USP54: variants seen among roughly 807,000 people sequenced by gnomAD.
USP54 encodes the protein ubiquitin specific peptidase 54, also known as ubiquitin carboxyl-terminal hydrolase 54.
In USP54, 87 loss-of-function variants were observed where a neutral mutation model predicts 170.5. That is an observed-to-expected ratio of 0.51 (90% CI 0.43 to 0.61). The LOEUF (loss-of-function observed/expected upper bound fraction) is 0.61, where lower values mean the gene tolerates loss of function less well. Among genes scored for constraint, USP54 ranks in the 20% least tolerant of loss-of-function variants. The probability of loss-of-function intolerance (pLI) is 0.00; values close to 1 mark genes in which losing one functional copy is unlikely to be tolerated. For missense variants in USP54, 1,786 were observed against 2,047.8 expected, an observed-to-expected ratio of 0.87 and a Z score of 2.47; for synonymous variants, 655 against 742.8, an observed-to-expected ratio of 0.88 and a Z score of 1.92.
upstream of USP54, among the ~76,000 whole-genome samples, chr10:73,594,532 G>A (rs1025577763): frequency 2.0e-5 from 3 of 151,848 alleles, no homozygotes; most frequent in Non-Finnish European, 4.4e-5. Flanking sequence ...AGCCTCCCGA[G>A]TAGCTGGGAC....
chr10:73,567,894 TA>T (rs1319010482), intron 4 of USP54, among the ~76,000 whole-genome samples: 10 of 152,192 alleles, frequency 6.6e-5, no homozygotes, highest in Non-Finnish European at 1.5e-4. Flanking sequence ...TGAATTGTAT[TA>T]TTTTCAATAA....
At chr10:73,531,015 G>A (rs1275271333) in intron 12 of USP54, among the ~76,000 whole-genome samples, 180 bp from the exon 13 acceptor site, 3 of 152,020 alleles carry the variant, frequency 2.0e-5, no homozygotes. Context: ...ATGCAGAGAA[G>A]GGCCAGGTGC....
intron 3 of USP54, among the ~76,000 whole-genome samples, chr10:73,572,681 C>A (rs1378583190): frequency 6.6e-6 from 1 of 152,120 alleles, no homozygotes; most frequent in African/African-American, 2.4e-5. Flanking sequence ...CTCATAACAA[C>A]AATTATTTTC....
In USP54 at chr10:73,505,464, C is replaced by T. The variant is rs371796472; in HGVS notation, c.4052-38G>A. 22 of 1,578,004 alleles carry T rather than the reference C, an allele frequency of 1.4e-5. No individual in the cohort carries two copies. In the African/African-American group the frequency reaches 3.0e-4, roughly 21 times the overall value. On this transcript the variant is annotated intron_variant, in intron 20 of 23. Coordinates refer to ENST00000687698, the MANE Select transcript of USP54 (RefSeq NM_001391956.1). ...ACACAAATACAAGTTGAGGCCATCT[C>T]TTCCCCTAGGGCCTAACCTCTAAGC...
At chr10:73,584,680 T>C (rs538800297) in intron 1 of USP54, among the ~76,000 whole-genome samples, 1 of 152,288 alleles carries the variant, frequency 6.6e-6, no homozygotes, top group Non-Finnish European at 1.5e-5. Flanking sequence ...AATTTATAAA[T>C]AATCTATAAA....
chr10:73,549,004 A>G (rs1037145645), intron 4 of USP54, among the ~76,000 whole-genome samples: 6 of 152,120 alleles, frequency 3.9e-5, no homozygotes, highest in East Asian at 1.9e-4. Context: ...GGCCCCACCA[A>G]CCTTGAGTGG....
At chr10:73,555,108 A>G (rs763686110) in intron 4 of USP54, among the ~76,000 whole-genome samples, 6 of 152,228 alleles carry the variant, frequency 3.9e-5, no homozygotes, top group Admixed American at 6.5e-5. Flanking sequence ...GTCTCAATAA[A>G]TAACTAAATA....
At chr10:73,554,701 C>T (rs1184061814) in intron 4 of USP54, among the ~76,000 whole-genome samples, 6 of 152,362 alleles carry the variant, frequency 3.9e-5, no homozygotes, top group African/African-American at 9.6e-5. Flanking sequence ...TGTGGCCAAT[C>T]TTATTTCATC....
In USP54 at chr10:73,568,006, T is replaced by G. The variant is rs1445954688; in HGVS notation, c.240+3415A>C. ...ATAGCTCACTTCAGTGTTGAACTCC[T>G]GGGCTCAAGTGATCCTCCCACTTCA... On this transcript the variant is annotated intron_variant, in intron 4 of 23. Coordinates refer to ENST00000687698, the MANE Select transcript of USP54 (RefSeq NM_001391956.1). Among the ~76,000 whole-genome samples the G allele has an allele frequency of 2.0e-5, 3 of 152,154 alleles. No homozygotes were observed. In the East Asian group the frequency reaches 5.8e-4, roughly 29 times the overall value.
rs536228177 is a variant in USP54 at position 73,554,027 on chromosome 10, C to T, written c.241-8355G>A. On this transcript the variant is annotated intron_variant, in intron 4 of 23. Coordinates refer to ENST00000687698, the MANE Select transcript of USP54 (RefSeq NM_001391956.1). ...ATAAAAACAGAAAGTCTTTATGCTT[C>T]GACATCTACAAATGCAGCTGTTGCT... Among the ~76,000 whole-genome samples the T allele has an allele frequency of 3.9e-5, 6 of 152,314 alleles. No individual in the cohort carries two copies. In the South Asian group the frequency reaches 1.0e-3, roughly 26 times the overall value.
At chr10:73,541,762 G>T in intron 7 of USP54, 24 bp from the exon 8 acceptor site, 2 of 1,604,830 alleles carry the variant, frequency 1.2e-6, no homozygotes, top group African/African-American at 1.3e-5. Context: ...AATAGAAGGG[G>T]GATGATGGTT....
In USP54 at chr10:73,516,660, TCC is replaced by T; in HGVS notation, c.3764_3765del (p.Gly1255AspfsTer16). Reference protein sequence around the residue: ...SKDLGSSTDLGTSLPLDSWVN... With the variant: ...SKDLGSSTDLXTSLPLDSWVN... Reference sequence around the variant, plus strand: ...ACCCAGGAATCCAAAGGCAAGGAAGTCCCCAAGTCAGTACTGCTGCCCAGATC... The same window carrying T: ...ACCCAGGAATCCAAAGGCAAGGAAGTCCAAGTCAGTACTGCTGCCCAGATC... On this transcript the variant is annotated frameshift_variant, in exon 20 of 24. Transcript: ENST00000687698. LOFTEE classifies it high-confidence loss of function. 6.2e-7 allele frequency: 1 copy of T among 1,614,164 alleles called. No homozygotes were observed. The highest frequency in any genetic ancestry group is 8.5e-7 in the Non-Finnish European group (1 of 1,180,032).
intron 22 of USP54, among the ~76,000 whole-genome samples, chr10:73,502,613 A>G (rs2058363358): frequency 6.6e-6 from 1 of 152,060 alleles, no homozygotes; most frequent in Admixed American, 6.6e-5. Flanking sequence ...GCGCCCGGCT[A>G]TTCCTTTCTT....
chr10:73,591,263 A>T lies in USP54; in HGVS notation c.-582+15T>A, dbSNP rs532894232. The T allele has an allele frequency of 6.6e-6, 1 of 152,310 alleles. No homozygotes were observed. The highest frequency in any genetic ancestry group is 1.9e-4 in the East Asian group (1 of 5,192). 9.4% of individuals were successfully genotyped at this position (152,310 alleles called of 1,614,324 possible). The stretch of plus-strand genomic sequence containing the variant: ...TCTATCTATCTGTTTTTACCACAAC[A>T]ACTACAATACTTACCAGACAGCACA... On this transcript the variant is annotated intron_variant, in intron 1 of 23. Coordinates refer to ENST00000687698, the MANE Select transcript of USP54 (RefSeq NM_001391956.1).
intron 22 of USP54, among the ~76,000 whole-genome samples, chr10:73,503,043 T>G (rs1235080773): frequency 1.3e-5 from 2 of 152,178 alleles, no homozygotes; most frequent in Non-Finnish European, 2.9e-5. Flanking sequence ...TCGACTTATC[T>G]CTATCCTTCC....
chr10:73,561,104 CA>C (rs919887025), intron 4 of USP54, among the ~76,000 whole-genome samples: 2,662 of 30,532 alleles, frequency 0.087, 51 homozygotes, highest in African/African-American at 0.22. Flanking sequence ...GACTCCATCT[CA>C]AAAAAAAAAA....
chr10:73,618,692 C>T (rs1241574020), intron 1 of USP54, among the ~76,000 whole-genome samples: 1 of 142,486 alleles, frequency 7.0e-6, no homozygotes. Flanking sequence ...CAGTGAGCTG[C>T]GATTGCGCCA....
At chr10:73,501,851 C>T (rs2058187963) in intron 22 of USP54, among the ~76,000 whole-genome samples, 1 of 152,164 alleles carries the variant, frequency 6.6e-6, no homozygotes, top group African/African-American at 2.4e-5. Context: ...CTCATACTTT[C>T]ATATCACTGA....
At chr10:73,515,132 CACTT>C (rs779788540) in intron 20 of USP54, among the ~76,000 whole-genome samples, 15 of 152,018 alleles carry the variant, frequency 9.9e-5, no homozygotes, top group Non-Finnish European at 2.2e-4. Context: ...ACTCAATAAA[CACTT>C]ACTCAACTGT....
Sources: allele counts gnomAD v4.1 joint callset (sites outside exome capture counted in the v4.1 genomes callset), GRCh38; gene constraint gnomAD v4.1.1; transcripts MANE v1.5; gene names NCBI Gene and HGNC (gene_info 2026-07-23, HGNC 2026-07-21).